SHC2: variants seen among roughly 807,000 people sequenced by gnomAD.
SHC2 encodes the protein SHC-transforming protein 2.
SHC2 carries 62 observed loss-of-function variants against 60.6 expected under a neutral mutation model. The observed-to-expected ratio is 1.02, with a 90% CI of 0.83 to 1.26. The LOEUF (loss-of-function observed/expected upper bound fraction) is 1.26, where lower values mean the gene tolerates loss of function less well. SHC2 is among the 50% of genes most tolerant of loss of function. The pLI is 0.00. For synonymous variants in SHC2, 375 were observed against 372.4 expected (o/e 1.01, Z -0.08); for missense variants, 873 against 822.2 (o/e 1.06, Z -0.76).
intron 11 of SHC2, 29 bp from the exon 12 acceptor site, chr19:419,085 C>T: frequency 3.2e-6 from 5 of 1,550,776 alleles, no homozygotes; most frequent in Non-Finnish European, 4.4e-6. Context: ...GGCATCAGCT[C>T]CCGGGAGCCC....
chr19:439,300 A>C (rs972995688), intron 2 of SHC2: 1 of 536,500 alleles, frequency 1.9e-6, no homozygotes, highest in Admixed American at 3.4e-5. Context: ...GCGTCCTTGC[A>C]TCCGGCAGAG....
rs181971319 is a variant in SHC2 at position 436,240 on chromosome 19, G to T, written c.878C>A (p.Thr293Asn). Reference sequence around the variant, plus strand: ...GCGCAGCTCGAAAGCTTGGCCCACGGTGCTGATGATGCTCTGTGCCAGGCC... The same window carrying T: ...GCGCAGCTCGAAAGCTTGGCCCACGTTGCTGATGATGCTCTGTGCCAGGCC... ...CEGLAQSIIS[T>N]VGQAFELRFK... The change falls in exon 7 of 13, where the codon ACC (threonine) becomes AAC (asparagine). Residue 293 changes from threonine to asparagine, a missense_variant. Thr to Asn is a moderately conservative substitution (Grantham distance 65). Coordinates refer to ENST00000264554, the MANE Select transcript of SHC2 (RefSeq NM_012435.3). The T allele has an allele frequency of 6.3e-7, 1 of 1,599,210 alleles. No individual in the cohort carries two copies. The highest frequency in any genetic ancestry group is 2.3e-5 in the East Asian group (1 of 44,274).
At chr19:444,588 A>G (rs977656833) in intron 1 of SHC2, among the ~76,000 whole-genome samples, 2 of 152,170 alleles carry the variant, frequency 1.3e-5, no homozygotes, top group Admixed American at 6.5e-5. Flanking sequence ...GCAATATCCT[A>G]TTCGGTTGAG....
rs999669254 is a variant in SHC2 at position 441,723 on chromosome 19, A to C, written c.469-791T>G. On this transcript the variant is annotated intron_variant, in intron 1 of 12. Transcript: ENST00000264554. This position sits in a 1 kb window ranked among gnomAD's most constrained non-coding sequence, Gnocchi z 4.9. Reference sequence around the variant, plus strand: ...CTACTGGGGTCATGAGAAATTCTGGAATTAGACAGAAGGGGTGGTGGCACG... The same window carrying C: ...CTACTGGGGTCATGAGAAATTCTGGCATTAGACAGAAGGGGTGGTGGCACG... 1.3e-5 allele frequency among the ~76,000 whole-genome samples: 2 copies of C among 152,252 alleles called. No homozygotes were observed. The highest frequency in any genetic ancestry group is 4.8e-5 in the African/African-American group (2 of 41,470).
intron 9 of SHC2, among the ~76,000 whole-genome samples, chr19:427,945 A>G (rs2145701572): frequency 6.6e-6 from 1 of 151,202 alleles, no homozygotes; most frequent in East Asian, 2.0e-4. Flanking sequence ...GGGAGGCCAC[A>G]TGGCACAGGG....
In SHC2 at chr19:438,880, G is replaced by A. The variant is rs2145724211; in HGVS notation, c.601-43C>T. The A allele has an allele frequency of 3.9e-6, 6 of 1,552,512 alleles. No homozygotes were observed. Among genetic ancestry groups the A allele is most frequent in the East Asian group, 2.4e-5 (1 of 41,276 alleles). ...CACAGCGAGGGCGGCTGTGGGTGGG[G>A]GCTGTCGAGGGGCTCCCAGGATGGC... On this transcript the variant is annotated intron_variant, in intron 3 of 12. Transcript: ENST00000264554. This position sits in a 1 kb window ranked among gnomAD's most constrained non-coding sequence, Gnocchi z 5.0.
chr19:435,228 C>T (rs907546599), intron 7 of SHC2, among the ~76,000 whole-genome samples: 1 of 152,260 alleles, frequency 6.6e-6, no homozygotes, highest in African/African-American at 2.4e-5. Flanking sequence ...GGGATCAAAG[C>T]GCCCCCGCCC....
intron 7 of SHC2, 155 bp downstream of exon 7, chr19:436,010 A>G (rs1974706716): frequency 1.3e-6 from 1 of 792,972 alleles, no homozygotes; most frequent in Non-Finnish European, 2.0e-6. Context: ...CAGCCGAGGA[A>G]ACAGGATCCT....
intron 1 of SHC2, among the ~76,000 whole-genome samples, chr19:444,463 G>T (rs139911290): frequency 6.6e-6 from 1 of 152,102 alleles, no homozygotes; most frequent in East Asian, 1.9e-4. Flanking sequence ...CCGGTTGTGC[G>T]GCTGAAACCC....
At chr19:436,139 G>A (rs767880779) in intron 7 of SHC2, 26 bp downstream of exon 7, 30 of 1,608,004 alleles carry the variant, frequency 1.9e-5, no homozygotes, top group Non-Finnish European at 2.5e-5. Context: ...GTGTCCCCAG[G>A]GCACGGGGGA....
At chr19:426,322 C>T (rs963868612) in intron 9 of SHC2, among the ~76,000 whole-genome samples, 6 of 152,098 alleles carry the variant, frequency 3.9e-5, no homozygotes, top group African/African-American at 4.8e-5. Flanking sequence ...AGGGAAGAAA[C>T]GCAGTTCCAA....
At chr19:431,293 C>T (rs1373420035) in intron 8 of SHC2, among the ~76,000 whole-genome samples, 2 of 151,314 alleles carry the variant, frequency 1.3e-5, no homozygotes, top group South Asian at 2.1e-4. Flanking sequence ...TGAGTGAGAT[C>T]GTGAGTGAGA....
At chr19:434,911 G>GGGCT in intron 7 of SHC2, 46 bp from the exon 8 acceptor site, 1 of 1,577,450 alleles carries the variant, frequency 6.3e-7, no homozygotes, top group Non-Finnish European at 8.6e-7. Context: ...GGGCCCAAGG[G>GGGCT]GGCTAAAGCC....
chr19:430,613 G>T, intron 9 of SHC2, 71 bp downstream of exon 9: 1 of 1,230,378 alleles, frequency 8.1e-7, no homozygotes, highest in Non-Finnish European at 1.2e-6. Flanking sequence ...CTGAGGGGGA[G>T]CCAGCACAGG....
intron 9 of SHC2, among the ~76,000 whole-genome samples, chr19:427,124 G>C (rs888556370): frequency 3.9e-5 from 6 of 152,220 alleles, no homozygotes; most frequent in African/African-American, 1.4e-4. Context: ...GATGGCTCGA[G>C]TTTCTCTGAC....
chr19:438,639 C>T lies in SHC2; in HGVS notation c.720+79G>A. 6.8e-7 allele frequency: 1 copy of T among 1,473,582 alleles called. No homozygotes were observed. The highest frequency in any genetic ancestry group is 9.1e-7 in the Non-Finnish European group (1 of 1,098,454). 91.3% of individuals were successfully genotyped at this position (1,473,582 alleles called of 1,614,324 possible). A position where few individuals can be genotyped will look rare whatever the true frequency, so the allele number is the denominator to read the frequency against. On this transcript the variant is annotated intron_variant, in intron 4 of 12. Coordinates refer to ENST00000264554, the MANE Select transcript of SHC2 (RefSeq NM_012435.3). The surrounding 1 kb of genome is among the most constrained non-coding windows in gnomAD (Gnocchi z 5.0). ...AACGCCACCTGCTGCCCGCCCCCAGCACCCCACCTGGCTTTGCCTCCTAGG... is the reference window on the plus strand; with the variant it reads ...AACGCCACCTGCTGCCCGCCCCCAGTACCCCACCTGGCTTTGCCTCCTAGG...
At chr19:459,537 AGGGAAGGACCCTACTGAACTCAGCGTAGG>A (rs1042111369) in intron 1 of SHC2, among the ~76,000 whole-genome samples, 142 of 78,174 alleles carry the variant, frequency 1.8e-3, no homozygotes, top group African/African-American at 6.0e-3. Context: ...CTCAGTGTAG[AGGGAAGGACCCTACTGAACTCAGCGTAGG>A]GGGAAGGACC....
chr19:431,152 G>A (rs984585735), intron 8 of SHC2, among the ~76,000 whole-genome samples: 1 of 152,250 alleles, frequency 6.6e-6, no homozygotes, highest in Admixed American at 6.5e-5. Context: ...CTGCCTCTCT[G>A]GTGGACTTAC....
intron 1 of SHC2, among the ~76,000 whole-genome samples, chr19:459,864 G>A (rs1437580366): frequency 6.6e-6 from 1 of 152,174 alleles, no homozygotes; most frequent in South Asian, 2.1e-4. Flanking sequence ...TATGCACGGC[G>A]CTGTCACCCC....
Sources: allele counts gnomAD v4.1 joint callset (sites outside exome capture counted in the v4.1 genomes callset), GRCh38; gene constraint gnomAD v4.1.1; non-coding constraint Gnocchi (gnomAD v3.1); transcripts MANE v1.5; gene names NCBI Gene and HGNC (gene_info 2026-07-23, HGNC 2026-07-21).